JAML: variants seen among roughly 807,000 people sequenced by gnomAD.
The protein encoded by JAML is junction adhesion molecule like.
In JAML, 25 loss-of-function variants were observed where a neutral mutation model predicts 39.3. The observed-to-expected ratio is 0.64, with a 90% CI of 0.46 to 0.89. The LOEUF (loss-of-function observed/expected upper bound fraction) is 0.89, where lower values mean the gene tolerates loss of function less well. Among genes scored for constraint, JAML ranks in the 40% least tolerant of loss-of-function variants. JAML has a pLI of 0.00. For synonymous variants in JAML, 162 were observed against 179.2 expected, an observed-to-expected ratio of 0.90 and a Z score of 0.77; for missense variants, 440 against 486.9, an observed-to-expected ratio of 0.90 and a Z score of 0.91.
chr11:118,203,144 C>T (rs1300990374), intron 6 of JAML: 1 of 573,952 alleles, frequency 1.7e-6, no homozygotes, highest in Non-Finnish European at 3.3e-6. Flanking sequence ...CAGTAGATGA[C>T]CCTGGCAATG....
intron 6 of JAML, chr11:118,203,156 G>C: frequency 3.3e-6 from 2 of 598,662 alleles, no homozygotes; most frequent in Non-Finnish European, 3.1e-6. Flanking sequence ...CTGGCAATGA[G>C]TGGGGTCTGG....
chr11:118,223,608 C>T (rs553139377), intron 1 of JAML, among the ~76,000 whole-genome samples: 44 of 152,208 alleles, frequency 2.9e-4, no homozygotes, highest in Non-Finnish European at 2.5e-4. Context: ...TTTATTGCGA[C>T]CTGCTTGGAA....
rs1949222237 is a variant in JAML at position 118,222,731 on chromosome 11, T to A, written c.-21+2210A>T. On this transcript the variant is annotated intron_variant, in intron 1 of 9. Transcript: ENST00000356289. The surrounding 1 kb of genome is among the most constrained non-coding windows in gnomAD (Gnocchi z 4.2). ...GGGAGGTTATAAGAAGGCGTGTGAA[T>A]ATGGTTTCTGTTAAAGAGAACGTAA... is the stretch of plus-strand genomic sequence containing the variant. Among the ~76,000 whole-genome samples, 1 of 152,154 alleles carries A rather than the reference T, an allele frequency of 6.6e-6. No individual in the cohort carries two copies. Among genetic ancestry groups the A allele is most frequent in the South Asian group, 2.1e-4 (1 of 4,834 alleles).
rs11603818 is a variant in JAML, at chr11:118,194,208, A to C, written c.*117T>G. On this transcript the variant is annotated 3_prime_UTR_variant, in exon 10 of 10. Transcript: ENST00000356289. ...TCCATCTTCAGTGTATTGACCAAACAATGAGACAGGAGGACAGCTGGGAGA... is the reference window on the plus strand; with the variant it reads ...TCCATCTTCAGTGTATTGACCAAACCATGAGACAGGAGGACAGCTGGGAGA... 2.1e-3 allele frequency: 1,868 copies of C among 901,958 alleles called. 27 individuals are homozygous for C. The African/African-American group carries it at 0.028, about 13-fold the overall frequency. 55.9% of individuals were successfully genotyped at this position (901,958 alleles called of 1,614,324 possible).
chr11:118,205,725 T>C, intron 5 of JAML, 157 bp downstream of exon 5: 1 of 629,940 alleles, frequency 1.6e-6, no homozygotes, highest in East Asian at 2.7e-5. Context: ...GAGTTATCTT[T>C]CCCACCAGAA....
chr11:118,212,665 T>A, intron 2 of JAML, 104 bp from the exon 3 acceptor site: 1 of 1,522,862 alleles, frequency 6.6e-7, no homozygotes, highest in Non-Finnish European at 8.8e-7. Context: ...CCCTGGATGA[T>A]CCAACATAGA....
chr11:118,203,461 T>C lies in JAML; in HGVS notation c.739A>G (p.Ile247Val), dbSNP rs753203565. 4.1e-5 allele frequency: 66 copies of C among 1,614,028 alleles called. No individual in the cohort carries two copies. In the Admixed American group the frequency reaches 1.1e-3, roughly 26 times the overall value. ...TCTTCCGGGCTGACATGCAGCACAATGGTTTTCTTGAACACCAGGTTCCCT... is the reference window on the plus strand; with the variant it reads ...TCTTCCGGGCTGACATGCAGCACAACGGTTTTCTTGAACACCAGGTTCCCT... Reference protein sequence around the residue: ...HLGNLVFKKTIVLHVSPEEPR... With the variant: ...HLGNLVFKKTVVLHVSPEEPR... The change falls in exon 6 of 10, where the codon ATT (isoleucine) becomes GTT (valine). Residue 247 changes from isoleucine (I) to valine (V), a missense_variant. Transcript: ENST00000356289.
intron 4 of JAML, chr11:118,209,141 G>T: frequency 3.1e-6 from 1 of 327,002 alleles, no homozygotes; most frequent in Non-Finnish European, 6.1e-6. Context: ...AGATTTTTCT[G>T]GAAGCATAAT....
rs780140688 is a variant in JAML, at chr11:118,209,304, T to C, written c.424+1183A>G. The C allele has an allele frequency of 5.4e-4, 88 of 162,614 alleles. 3 individuals are homozygous for C. The highest frequency in any genetic ancestry group is 2.0e-4 in the Non-Finnish European group (15 of 74,906). The allele number at this position is 162,614 out of a possible 1,614,324, so 10.1% of individuals were successfully genotyped here. A position where few individuals can be genotyped will look rare whatever the true frequency, so the allele number is the denominator to read the frequency against. On this transcript the variant is annotated intron_variant, in intron 4 of 9. Coordinates refer to ENST00000356289, the MANE Select transcript of JAML (RefSeq NM_001098526.2). Reference sequence around the variant, plus strand: ...GCAGAATCCTTATTCAGACCAAATCTTACCTGGCAGCCCAATGAATACAAC... The same window carrying C: ...GCAGAATCCTTATTCAGACCAAATCCTACCTGGCAGCCCAATGAATACAAC...
intron 3 of JAML, 24 bp downstream of exon 3, chr11:118,212,383 A>G: frequency 6.2e-7 from 1 of 1,612,052 alleles, no homozygotes; most frequent in South Asian, 1.1e-5. Context: ...CTTCTATTAC[A>G]TAGTGATGTT....
intron 1 of JAML, among the ~76,000 whole-genome samples, chr11:118,216,898 C>G (rs1949149960): frequency 6.6e-6 from 1 of 152,216 alleles, no homozygotes; most frequent in African/African-American, 2.4e-5. Context: ...TGCCACCCAC[C>G]TTGCCCCATA....
rs759049052 is a variant in JAML at position 118,210,647 on chromosome 11, T to C, written c.264A>G (p.Val88=). Residue 88 remains valine (V), a synonymous_variant, in exon 4 of 10, where the codon GTA becomes GTG. Transcript: ENST00000356289. ...SVPIGRFQNR[V]HLMGDILCND... ...TGCATAAGATGTCCCCCATCAAGTGTACGCGGTTCTGGAAGCGCCCAATAG... is the reference window on the plus strand; with the variant it reads ...TGCATAAGATGTCCCCCATCAAGTGCACGCGGTTCTGGAAGCGCCCAATAG... 1.9e-6 allele frequency: 3 copies of C among 1,614,180 alleles called. No homozygotes were observed. The highest frequency in any genetic ancestry group is 2.5e-6 in the Non-Finnish European group (3 of 1,180,004).
intron 4 of JAML, among the ~76,000 whole-genome samples, chr11:118,209,849 T>C (rs1054816783): frequency 9.2e-5 from 14 of 151,802 alleles, no homozygotes; most frequent in African/African-American, 3.1e-4. Flanking sequence ...TTTTTCTTTT[T>C]TTTTCTTTTC....
chr11:118,221,696 C>G (rs889230181), intron 1 of JAML, among the ~76,000 whole-genome samples: 3 of 152,234 alleles, frequency 2.0e-5, no homozygotes, highest in Non-Finnish European at 4.4e-5. Flanking sequence ...AGCTCAACTG[C>G]TAAAGCTTTG....
rs532312131 is a variant in JAML at position 118,213,403 on chromosome 11, TC to T, written c.44-843del. On this transcript the variant is annotated intron_variant, in intron 2 of 9. Transcript: ENST00000356289. ...TGCCAGTCTTTTCATCCAAGCTGTT[TC>T]CCTGAGAGAAGACAGTTAACTTCCT... is the stretch of plus-strand genomic sequence containing the variant. 16 of 933,816 alleles carry T rather than the reference TC, an allele frequency of 1.7e-5. No homozygotes were observed. The East Asian group carries it at 1.8e-3, about 108-fold the overall frequency. 57.8% of individuals were successfully genotyped at this position (933,816 alleles called of 1,614,324 possible).
chr11:118,210,468 T>A lies in JAML; in HGVS notation c.424+19A>T. ...AAGCTCTTGCCCCTTGGCCCCTCTT[T>A]AAGTAAGCATTTGCGTACCTTTGGG... On this transcript the variant is annotated intron_variant, in intron 4 of 9. Coordinates refer to ENST00000356289, the MANE Select transcript of JAML (RefSeq NM_001098526.2). 1 of 1,612,494 alleles carries A rather than the reference T, an allele frequency of 6.2e-7. No individual in the cohort carries two copies. Among genetic ancestry groups the A allele is most frequent in the Non-Finnish European group, 8.5e-7 (1 of 1,179,400 alleles).
intron 4 of JAML, among the ~76,000 whole-genome samples, chr11:118,207,691 G>T (rs2134661737): frequency 6.6e-6 from 1 of 152,186 alleles, no homozygotes; most frequent in East Asian, 1.9e-4. Flanking sequence ...GCAAGTTGGA[G>T]CACGGTCCAC....
intron 1 of JAML, among the ~76,000 whole-genome samples, chr11:118,217,319 C>A (rs979870245): frequency 6.6e-5 from 10 of 152,200 alleles, no homozygotes; most frequent in Admixed American, 2.0e-4. Context: ...GCCAGCGACT[C>A]TAAAAAGATT....
At chr11:118,197,189 C>T (rs967787584) in intron 8 of JAML, 1 of 225,492 alleles carries the variant, frequency 4.4e-6, no homozygotes, top group African/African-American at 2.3e-5. Context: ...TCATCATCTC[C>T]CTCAGAGGAT....
Sources: gnomAD v4.1 joint callset for allele counts (sites outside exome capture counted in the v4.1 genomes callset) on GRCh38, gnomAD v4.1.1 for gene constraint, Gnocchi (gnomAD v3.1) non-coding constraint, MANE v1.5 for transcripts, NCBI Gene and HGNC (gene_info 2026-07-23, HGNC 2026-07-21) for gene names.